The following GALNT17 variants were observed in gnomAD, a reference collection of about 807,000 sequenced individuals.
The protein encoded by GALNT17 is UDP-GalNAc:polypeptide N-acetylgalactosaminyltransferase-like 3.
GALNT17 carries 29 observed loss-of-function variants against 63.7 expected under a neutral mutation model. The observed-to-expected ratio is 0.46, with a 90% confidence interval of 0.34 to 0.62. The LOEUF (loss-of-function observed/expected upper bound fraction) is 0.62. GALNT17 is among the 20% of genes least tolerant of loss of function. The pLI, the probability that GALNT17 is intolerant of heterozygous loss-of-function variation, is 0.01. For missense variants in GALNT17, 603 were observed against 799.6 expected (o/e 0.75, Z 2.97); for synonymous variants, 305 against 318.3 (o/e 0.96, Z 0.45).
intron 6 of GALNT17, among the ~76,000 whole-genome samples, chr7:71,655,775 G>A (rs1260505066): frequency 1.3e-5 from 2 of 152,072 alleles, no homozygotes; most frequent in African/African-American, 4.8e-5. Flanking sequence ...ATACTGTAGG[G>A]TAGATTTGCA....
chr7:71,600,249 A>AAG (rs995009522), intron 6 of GALNT17, among the ~76,000 whole-genome samples: 1 of 101,188 alleles, frequency 9.9e-6, no homozygotes, highest in Non-Finnish European at 1.8e-5. Flanking sequence ...TTAGGGAAGG[A>AAG]AAAAAAAAAA....
At chr7:71,224,702 T>C (rs902889306) in intron 1 of GALNT17, among the ~76,000 whole-genome samples, 1 of 152,128 alleles carries the variant, frequency 6.6e-6, no homozygotes, top group Admixed American at 6.5e-5. Flanking sequence ...TGGATGGTGA[T>C]GTGTTCTGAA....
chr7:71,216,589 CAT>C (rs138828279), intron 1 of GALNT17, among the ~76,000 whole-genome samples: 50,120 of 151,408 alleles, frequency 0.33, 9,253 homozygotes, highest in South Asian at 0.53. Context: ...AATACACACA[CAT>C]ACATATCTAC....
intron 6 of GALNT17, among the ~76,000 whole-genome samples, chr7:71,633,762 A>G (rs560295939): frequency 1.3e-5 from 2 of 152,246 alleles, no homozygotes; most frequent in South Asian, 2.1e-4. Flanking sequence ...CAAGCCTCTC[A>G]CTCATTCCTA....
At chr7:71,507,472 C>G (rs1411948983) in intron 5 of GALNT17, among the ~76,000 whole-genome samples, 1 of 152,168 alleles carries the variant, frequency 6.6e-6, no homozygotes, top group Non-Finnish European at 1.5e-5. Flanking sequence ...AAAACCTTGT[C>G]ACAGGTCCAG....
intron 1 of GALNT17, among the ~76,000 whole-genome samples, chr7:71,304,385 G>A (rs940488574): frequency 1.3e-5 from 2 of 152,208 alleles, no homozygotes; most frequent in African/African-American, 4.8e-5. Flanking sequence ...GTGACAAAGT[G>A]GGTACAGATG....
intron 1 of GALNT17, among the ~76,000 whole-genome samples, chr7:71,282,767 G>A (rs1192322470): frequency 2.0e-5 from 3 of 151,884 alleles, no homozygotes; most frequent in African/African-American, 7.3e-5. Flanking sequence ...ATGGTAGGGG[G>A]AGGTTACTGA....
intron 5 of GALNT17, among the ~76,000 whole-genome samples, chr7:71,542,860 G>A (rs892052317): frequency 3.9e-5 from 6 of 151,922 alleles, no homozygotes; most frequent in African/African-American, 1.5e-4. Flanking sequence ...TCCTTCAGCC[G>A]AGGTTAATCA....
chr7:71,487,249 G>A (rs1240965926), intron 5 of GALNT17, among the ~76,000 whole-genome samples: 1 of 152,200 alleles, frequency 6.6e-6, no homozygotes, highest in Non-Finnish European at 1.5e-5. Context: ...CTCCATGAGG[G>A]TAGTGATGTT....
chr7:71,363,933 G>T (rs775828174), intron 2 of GALNT17, among the ~76,000 whole-genome samples: 32 of 152,140 alleles, frequency 2.1e-4, no homozygotes, highest in Non-Finnish European at 4.1e-4. Context: ...ATCCAGTAAG[G>T]TTACAGTCCA....
chr7:71,448,461 T>A (rs1459018029), intron 5 of GALNT17, among the ~76,000 whole-genome samples: 1 of 151,008 alleles, frequency 6.6e-6, no homozygotes, highest in Non-Finnish European at 1.5e-5. Flanking sequence ...TTCTTTAATC[T>A]CTGATTTTTC....
chr7:71,223,079 C>T (rs1789616500), intron 1 of GALNT17, among the ~76,000 whole-genome samples: 1 of 152,006 alleles, frequency 6.6e-6, no homozygotes, highest in Non-Finnish European at 1.5e-5. Flanking sequence ...TGTCCCCCTA[C>T]CCCCAAAAAA....
chr7:71,168,026 G>C (rs1317100367), intron 1 of GALNT17, among the ~76,000 whole-genome samples: 1 of 152,050 alleles, frequency 6.6e-6, no homozygotes, highest in East Asian at 1.9e-4. Flanking sequence ...ATCTATTTTC[G>C]TATATGATGC....
chr7:71,200,404 A>G (rs1264440538), intron 1 of GALNT17, among the ~76,000 whole-genome samples: 1 of 152,112 alleles, frequency 6.6e-6, no homozygotes. Context: ...GACCAGACAC[A>G]TTTTGGCATT....
At chr7:71,471,609 T>C (rs1216087548) in intron 5 of GALNT17, among the ~76,000 whole-genome samples, 1 of 152,110 alleles carries the variant, frequency 6.6e-6, no homozygotes, top group Non-Finnish European at 1.5e-5. Flanking sequence ...TCCTCCTCCT[T>C]GTCCTAGATC....
intron 6 of GALNT17, among the ~76,000 whole-genome samples, chr7:71,592,332 G>A (rs768590079): frequency 1.3e-5 from 2 of 151,770 alleles, no homozygotes; most frequent in Non-Finnish European, 2.9e-5. Context: ...GCAGCATGAC[G>A]CTTAGGTGGG....
intron 5 of GALNT17, among the ~76,000 whole-genome samples, chr7:71,430,834 G>A (rs915473748): frequency 6.6e-6 from 1 of 152,136 alleles, no homozygotes; most frequent in Non-Finnish European, 1.5e-5. Context: ...AGCTTTAAGA[G>A]AAGAAATCAG....
chr7:71,229,520 G>A (rs1011740138), intron 1 of GALNT17, among the ~76,000 whole-genome samples: 1 of 152,212 alleles, frequency 6.6e-6, no homozygotes, highest in African/African-American at 2.4e-5. Context: ...TCTGATAGCC[G>A]ATGAGTCTGA....
At chr7:71,631,198 CT>C (rs113080267) in intron 6 of GALNT17, among the ~76,000 whole-genome samples, 2,519 of 145,034 alleles carry the variant, frequency 0.017, 72 homozygotes, top group African/African-American at 0.055. Context: ...TTTATTTTTA[CT>C]TTTTTTTTTT....
Sources: gnomAD v4.1 joint callset for allele counts (sites outside exome capture counted in the v4.1 genomes callset) on GRCh38, gnomAD v4.1.1 for gene constraint, MANE v1.5 for transcripts, NCBI Gene and HGNC (gene_info 2026-07-23, HGNC 2026-07-21) for gene names.